PDE4B: variants seen among roughly 807,000 people sequenced by gnomAD.
PDE4B encodes the protein phosphodiesterase 4B.
PDE4B carries 20 observed loss-of-function variants against 82.2 expected under a neutral mutation model. The observed-to-expected ratio is 0.24, with a 90% CI of 0.17 to 0.35. The LOEUF (loss-of-function observed/expected upper bound fraction) is 0.35. Ranked by LOEUF, PDE4B falls within the 10% of genes least tolerant of loss-of-function variation. The pLI is 1.00. For synonymous variants in PDE4B, 320 were observed against 318.9 expected, an observed-to-expected ratio of 1.00 and a Z score of -0.04; for missense variants, 655 against 907.2, an observed-to-expected ratio of 0.72 and a Z score of 3.57.
intron 3 of PDE4B, among the ~76,000 whole-genome samples, chr1:66,097,211 T>A: frequency 6.6e-6 from 1 of 152,086 alleles, no homozygotes; most frequent in East Asian, 1.9e-4. Flanking sequence ...ACTTTACATC[T>A]CCACTAGTAA....
chr1:65,797,641 G>A (rs1441428938), intron 1 of PDE4B, among the ~76,000 whole-genome samples: 2 of 152,192 alleles, frequency 1.3e-5, no homozygotes, highest in Non-Finnish European at 2.9e-5. Flanking sequence ...CTAGGTTAGA[G>A]AAGTGTCTCT....
At chr1:65,997,241 C>A (rs529939551) in intron 3 of PDE4B, among the ~76,000 whole-genome samples, 24 of 147,628 alleles carry the variant, frequency 1.6e-4, no homozygotes, top group Middle Eastern at 3.6e-3. Context: ...TCTGTCCATG[C>A]TTGCACACAG....
intron 9 of PDE4B, among the ~76,000 whole-genome samples, chr1:66,357,165 C>T (rs1426588076): frequency 2.6e-5 from 4 of 152,090 alleles, no homozygotes; most frequent in Non-Finnish European, 5.9e-5. Context: ...TTTTAAAATA[C>T]GAGGGCTTGA....
chr1:65,854,138 T>C (rs1041093343), intron 1 of PDE4B, among the ~76,000 whole-genome samples: 3 of 151,992 alleles, frequency 2.0e-5, no homozygotes, highest in Non-Finnish European at 2.9e-5. Flanking sequence ...CCAACCCACC[T>C]ATACTTCTAC....
chr1:66,052,424 C>T (rs563045332), intron 3 of PDE4B, among the ~76,000 whole-genome samples: 92 of 152,102 alleles, frequency 6.0e-4, no homozygotes, highest in African/African-American at 1.6e-3. Flanking sequence ...CCCTAGAGAT[C>T]GCATCAAACC....
At chr1:66,039,578 ATCTT>A (rs1443193370) in intron 3 of PDE4B, among the ~76,000 whole-genome samples, 3 of 151,970 alleles carry the variant, frequency 2.0e-5, no homozygotes, top group Non-Finnish European at 2.9e-5. Flanking sequence ...TATATCTATA[ATCTT>A]TCTATCTATC....
chr1:66,128,556 G>T (rs967917782), intron 3 of PDE4B, among the ~76,000 whole-genome samples: 1 of 152,110 alleles, frequency 6.6e-6, no homozygotes, highest in Non-Finnish European at 1.5e-5. Flanking sequence ...CACCTTGAAG[G>T]CTTCATTCTT....
At chr1:66,267,158 A>C (rs1655110571) in intron 7 of PDE4B, 1 of 153,814 alleles carries the variant, frequency 6.5e-6, no homozygotes, top group Non-Finnish European at 1.4e-5. Context: ...AAAGATTGAG[A>C]ACGAGAAAAA....
At chr1:66,335,146 G>A (rs1660419302) in intron 8 of PDE4B, among the ~76,000 whole-genome samples, 1 of 152,198 alleles carries the variant, frequency 6.6e-6, no homozygotes, top group Admixed American at 6.5e-5. Flanking sequence ...TATCAACTAA[G>A]GAGCCAGTGT....
intron 16 of PDE4B, 105 bp from the exon 17 acceptor site, chr1:66,372,208 C>A (rs1570803271): frequency 4.2e-6 from 5 of 1,188,904 alleles, no homozygotes; most frequent in African/African-American, 1.5e-5. Flanking sequence ...TATGATTGAT[C>A]TTTCTGAAGT....
At chr1:65,854,731 A>C (rs976839533) in intron 1 of PDE4B, among the ~76,000 whole-genome samples, 1 of 152,030 alleles carries the variant, frequency 6.6e-6, no homozygotes, top group South Asian at 2.1e-4. Flanking sequence ...TCTTGCAAGT[A>C]GGTTTATACT....
intron 3 of PDE4B, among the ~76,000 whole-genome samples, chr1:65,989,805 G>A (rs905113843): frequency 6.6e-6 from 1 of 151,166 alleles, no homozygotes; most frequent in Admixed American, 6.6e-5. Flanking sequence ...TATTTTTACT[G>A]TGCTTATGTT....
chr1:65,877,214 A>G (rs1027329472), intron 1 of PDE4B, among the ~76,000 whole-genome samples: 2 of 152,200 alleles, frequency 1.3e-5, no homozygotes, highest in Non-Finnish European at 2.9e-5. Context: ...ATATAGACCA[A>G]TGGGACAGAA....
At chr1:65,822,562 C>T (rs1645965219) in intron 1 of PDE4B, among the ~76,000 whole-genome samples, 1 of 152,050 alleles carries the variant, frequency 6.6e-6, no homozygotes, top group African/African-American at 2.4e-5. Context: ...GAACTTAAAC[C>T]CCAAACGTGG....
chr1:66,146,821 G>A (rs2503177), intron 3 of PDE4B, among the ~76,000 whole-genome samples: 120,911 of 152,148 alleles, frequency 0.79, 48,401 homozygotes, highest in Non-Finnish European at 0.83. Context: ...ACTACGTACC[G>A]TAGAGGAAAA....
At chr1:66,001,106 C>T (rs968824577) in intron 3 of PDE4B, among the ~76,000 whole-genome samples, 1 of 152,022 alleles carries the variant, frequency 6.6e-6, no homozygotes, top group African/African-American at 2.4e-5. Context: ...CAGACATTTC[C>T]AGATAATTTA....
intron 3 of PDE4B, among the ~76,000 whole-genome samples, chr1:66,045,243 AT>A (rs555165726): frequency 6.6e-6 from 1 of 151,326 alleles, no homozygotes; most frequent in Non-Finnish European, 1.5e-5. Context: ...TTTTATTATT[AT>A]TTTTTTCAAT....
At chr1:66,350,566 A>T (rs1451275064) in intron 8 of PDE4B, among the ~76,000 whole-genome samples, 1 of 152,090 alleles carries the variant, frequency 6.6e-6, no homozygotes, top group Non-Finnish European at 1.5e-5. Flanking sequence ...AAGCTCTTTC[A>T]TGGGCTTTAT....
intron 1 of PDE4B, among the ~76,000 whole-genome samples, chr1:65,890,628 G>T (rs1646842850): frequency 6.6e-6 from 1 of 152,044 alleles, no homozygotes; most frequent in Admixed American, 6.6e-5. Flanking sequence ...TGCAATCAGA[G>T]TTGTAGGAGG....
Sources: allele counts gnomAD v4.1 joint callset (sites outside exome capture counted in the v4.1 genomes callset), GRCh38; gene constraint gnomAD v4.1.1; transcripts MANE v1.5; gene names NCBI Gene and HGNC (gene_info 2026-07-23, HGNC 2026-07-21).